The following DSCAM variants were observed in gnomAD, a reference collection of about 807,000 sequenced individuals.
The protein encoded by DSCAM is DS cell adhesion molecule.
In DSCAM, 47 loss-of-function variants were observed where a neutral mutation model predicts 217.7. The ratio of observed to expected loss-of-function variants is 0.22; its 90% confidence interval spans 0.17 to 0.28. The LOEUF is 0.28. Ranked by LOEUF, DSCAM falls within the 10% of genes least tolerant of loss-of-function variation. The probability of loss-of-function intolerance (pLI) is 1.00; values close to 1 mark genes in which losing one functional copy is unlikely to be tolerated. For missense variants in DSCAM, 2,080 were observed against 2,618.3 expected, an observed-to-expected ratio of 0.79 and a Z score of 4.49; for synonymous variants, 1,056 against 1,015.3, an observed-to-expected ratio of 1.04 and a Z score of -0.76.
intron 9 of DSCAM, among the ~76,000 whole-genome samples, chr21:40,304,574 C>T (rs2074051360): frequency 6.6e-6 from 1 of 152,214 alleles, no homozygotes; most frequent in Admixed American, 6.5e-5. Flanking sequence ...CTTTCAAATG[C>T]CTTCCTCACT....
In DSCAM at chr21:40,782,803, C is replaced by T. The variant is rs550177822; in HGVS notation, c.43+63816G>A. 4.0e-4 allele frequency among the ~76,000 whole-genome samples: 61 copies of T among 152,250 alleles called. 1 individual carries two copies. Among genetic ancestry groups the T allele is most frequent in the Admixed American group, 3.4e-3 (52 of 15,298 alleles). ...GTACATAGCTGGGATTCAGTCTGTA[C>T]TTATTAAATAAATAAGTGTCATATT... On this transcript the variant is annotated intron_variant, in intron 1 of 32. Coordinates refer to ENST00000400454, the MANE Select transcript of DSCAM (RefSeq NM_001389.5).
chr21:40,370,972 G>C (rs2074891787), intron 3 of DSCAM, among the ~76,000 whole-genome samples: 1 of 152,144 alleles, frequency 6.6e-6, no homozygotes, highest in Non-Finnish European at 1.5e-5. Flanking sequence ...ATTATCATGA[G>C]TTAGGAGTAA....
At chr21:40,164,664 T>G (rs1002955152) in intron 16 of DSCAM, among the ~76,000 whole-genome samples, 4 of 152,090 alleles carry the variant, frequency 2.6e-5, no homozygotes, top group African/African-American at 9.6e-5. Context: ...TAGCTGGGTG[T>G]GGTGGCACAT....
At chr21:40,696,357 GAGGCAGGGA>G (rs1432710637) in intron 2 of DSCAM, among the ~76,000 whole-genome samples, 1 of 152,186 alleles carries the variant, frequency 6.6e-6, no homozygotes, top group Non-Finnish European at 1.5e-5. Flanking sequence ...AATCCCCTGA[GAGGCAGGGA>G]AAGTGTGAGT....
intron 31 of DSCAM, 151 bp downstream of exon 31, chr21:40,043,927 G>T: frequency 2.5e-6 from 2 of 791,762 alleles, no homozygotes; most frequent in East Asian, 2.7e-5. Flanking sequence ...GTAACTGTTA[G>T]ATAAACCGCG....
chr21:40,068,109 G>T (rs1485789398), intron 27 of DSCAM, among the ~76,000 whole-genome samples: 5 of 152,112 alleles, frequency 3.3e-5, no homozygotes, highest in Non-Finnish European at 7.3e-5. Flanking sequence ...ATGGAGAAAT[G>T]ATACCAGGAT....
In DSCAM at chr21:40,794,490, C is replaced by T. The variant is rs531898693; in HGVS notation, c.43+52129G>A. Among the ~76,000 whole-genome samples the T allele has an allele frequency of 3.3e-5, 5 of 149,692 alleles. No individual in the cohort carries two copies. In the East Asian group the frequency reaches 5.9e-4, roughly 18 times the overall value. Reference sequence around the variant, plus strand: ...AGCAACTTTGTTTTGCGATATACTGCACCAAAAACAAGTGTGTTATGAGTA... The same window carrying T: ...AGCAACTTTGTTTTGCGATATACTGTACCAAAAACAAGTGTGTTATGAGTA... On this transcript the variant is annotated intron_variant, in intron 1 of 32. Coordinates refer to ENST00000400454, the MANE Select transcript of DSCAM (RefSeq NM_001389.5).
At chr21:40,039,309 CA>C (rs200149289) in intron 32 of DSCAM, among the ~76,000 whole-genome samples, 26,259 of 133,412 alleles carry the variant, frequency 0.2, 2,772 homozygotes, top group South Asian at 0.36. Context: ...AAATAAAAAT[CA>C]AAAAAAAAAA....
chr21:40,338,040 G>A, intron 8 of DSCAM, 61 bp downstream of exon 8: 1 of 1,576,894 alleles, frequency 6.3e-7, no homozygotes, highest in South Asian at 1.2e-5. Flanking sequence ...TCAAATCATT[G>A]GTCTGGGAAG....
intron 11 of DSCAM, among the ~76,000 whole-genome samples, chr21:40,261,037 G>A (rs927879481): frequency 6.6e-6 from 1 of 152,178 alleles, no homozygotes; most frequent in African/African-American, 2.4e-5. Flanking sequence ...CCGTTATCAT[G>A]TTTGAACATA....
intron 3 of DSCAM, among the ~76,000 whole-genome samples, chr21:40,562,888 G>C (rs2076731361): frequency 6.6e-6 from 1 of 152,226 alleles, no homozygotes. Context: ...CAATACGTCT[G>C]TCGCCTGCAC....
rs1031710927 is a variant in DSCAM, at chr21:40,433,241, C to T, written c.509-63996G>A. On this transcript the variant is annotated intron_variant, in intron 3 of 32. Transcript: ENST00000400454. Reference sequence around the variant, plus strand: ...GGCATGGTAGGTAGTCCCAGCTACGCGGGAGGCTGAGGCAGAAGAATTGCT... The same window carrying T: ...GGCATGGTAGGTAGTCCCAGCTACGTGGGAGGCTGAGGCAGAAGAATTGCT... Among the ~76,000 whole-genome samples, 15 of 149,012 alleles carry T rather than the reference C, an allele frequency of 1.0e-4. No homozygotes were observed. In the South Asian group the frequency reaches 1.1e-3, roughly 11 times the overall value.
chr21:40,067,327 C>G (rs921781239), intron 27 of DSCAM, among the ~76,000 whole-genome samples: 1 of 152,198 alleles, frequency 6.6e-6, no homozygotes, highest in Non-Finnish European at 1.5e-5. Context: ...TAATCATTTT[C>G]TAACACCTCT....
chr21:40,833,319 T>C (rs1249294924), intron 1 of DSCAM, among the ~76,000 whole-genome samples: 1 of 152,102 alleles, frequency 6.6e-6, no homozygotes, highest in Non-Finnish European at 1.5e-5. Flanking sequence ...GTTACAAAAA[T>C]ATCCCCTCTC....
intron 5 of DSCAM, 86 bp downstream of exon 5, chr21:40,353,379 T>C: frequency 1.3e-6 from 2 of 1,551,300 alleles, no homozygotes; most frequent in African/African-American, 1.4e-5. Context: ...AATGGAAAGC[T>C]ACAGAGAAAA....
chr21:40,349,776 A>G (rs2074608776), intron 5 of DSCAM, among the ~76,000 whole-genome samples: 1 of 152,226 alleles, frequency 6.6e-6, no homozygotes. Context: ...TAAAGGTCAG[A>G]AAGTGCTGAG....
chr21:40,635,525 G>T (rs1441948002), intron 3 of DSCAM, among the ~76,000 whole-genome samples: 1 of 152,196 alleles, frequency 6.6e-6, no homozygotes. Context: ...GGCCTGGAGA[G>T]CAAGCTTGTT....
At chr21:40,749,833 C>CTCTTTA (rs1332471193) in intron 1 of DSCAM, among the ~76,000 whole-genome samples, 1 of 152,138 alleles carries the variant, frequency 6.6e-6, no homozygotes, top group East Asian at 1.9e-4. Context: ...AAATGTGCAC[C>CTCTTTA]TACAGAGGAA....
chr21:40,402,914 C>G (rs1472102416), intron 3 of DSCAM, among the ~76,000 whole-genome samples: 1 of 151,960 alleles, frequency 6.6e-6, no homozygotes, highest in Non-Finnish European at 1.5e-5. Context: ...TTAAGAGAGA[C>G]AAGTACAGGA....
Sources: allele counts gnomAD v4.1 joint callset (sites outside exome capture counted in the v4.1 genomes callset), GRCh38; gene constraint gnomAD v4.1.1; transcripts MANE v1.5; gene names NCBI Gene and HGNC (gene_info 2026-07-23, HGNC 2026-07-21).